Variants in CBLB observed in about 807,000 individuals in gnomAD.
CBLB encodes E3 ubiquitin-protein ligase CBL-B.
In CBLB, 31 loss-of-function variants were observed where a neutral mutation model predicts 104.9. The ratio of observed to expected loss-of-function variants is 0.30; its 90% CI spans 0.22 to 0.40. The LOEUF (loss-of-function observed/expected upper bound fraction) is 0.40. Ranked by LOEUF, CBLB falls within the 10% of genes least tolerant of loss-of-function variation. The pLI is 1.00. For missense variants in CBLB, 1,062 were observed against 1,214.6 expected (o/e 0.87, Z 1.87); for synonymous variants, 440 against 422.6 (o/e 1.04, Z -0.51).
intron 4 of CBLB, among the ~76,000 whole-genome samples, chr3:105,770,305 G>C (rs2078719274): frequency 6.6e-6 from 1 of 152,136 alleles, no homozygotes. Flanking sequence ...AGTGCGAGAG[G>C]GGAAGAGTCT....
intron 5 of CBLB, chr3:105,749,834 C>T (rs2076432486): frequency 4.8e-6 from 1 of 208,560 alleles, no homozygotes; most frequent in African/African-American, 2.4e-5. Flanking sequence ...TAAAATATAT[C>T]TTAAAATCTT....
At chr3:105,788,260 C>T (rs555079583) in intron 3 of CBLB, among the ~76,000 whole-genome samples, 7 of 152,174 alleles carry the variant, frequency 4.6e-5, no homozygotes, top group African/African-American at 1.4e-4. Context: ...AATAAAACTT[C>T]CTCAGATATT....
chr3:105,836,891 A>G (rs1335274429), intron 3 of CBLB, among the ~76,000 whole-genome samples: 1 of 152,090 alleles, frequency 6.6e-6, no homozygotes, highest in Non-Finnish European at 1.5e-5. Context: ...CCTTTCTTTA[A>G]AAGCCCTGCC....
intron 11 of CBLB, among the ~76,000 whole-genome samples, chr3:105,703,603 T>TA (rs5851467): frequency 0.25 from 38,348 of 152,036 alleles, 5,045 homozygotes; most frequent in Non-Finnish European, 0.28. Flanking sequence ...CTTAAGCCCT[T>TA]TGCAAATATA....
At chr3:105,828,321 TG>T (rs2086906337) in intron 3 of CBLB, among the ~76,000 whole-genome samples, 1 of 152,080 alleles carries the variant, frequency 6.6e-6, no homozygotes, top group African/African-American at 2.4e-5. Flanking sequence ...TGGATAACAA[TG>T]GGGAAATATA....
intron 3 of CBLB, among the ~76,000 whole-genome samples, chr3:105,829,967 C>T (rs1040706808): frequency 1.6e-4 from 25 of 152,044 alleles, no homozygotes; most frequent in African/African-American, 5.8e-4. Context: ...TGTATAAACC[C>T]AAGGATCCCA....
intron 18 of CBLB, among the ~76,000 whole-genome samples, chr3:105,665,434 TATATATATAC>T (rs201866045): frequency 0.054 from 5,997 of 111,922 alleles, 166 homozygotes; most frequent in Non-Finnish European, 0.074. Flanking sequence ...TATATATATA[TATATATATAC>T]ACACACACAC....
At chr3:105,815,824 A>G (rs573522757) in intron 3 of CBLB, among the ~76,000 whole-genome samples, 1 of 152,346 alleles carries the variant, frequency 6.6e-6, no homozygotes, top group South Asian at 2.1e-4. Flanking sequence ...GACTAGATAA[A>G]GAAAATGTGG....
chr3:105,692,335 T>C (rs550320561), intron 13 of CBLB, among the ~76,000 whole-genome samples: 6 of 152,286 alleles, frequency 3.9e-5, no homozygotes, highest in African/African-American at 7.2e-5. Context: ...ATCTTTTCAA[T>C]TGGAGAGTCA....
intron 3 of CBLB, among the ~76,000 whole-genome samples, chr3:105,776,944 AG>A (rs1290718464): frequency 4.6e-5 from 7 of 152,220 alleles, no homozygotes; most frequent in Non-Finnish European, 8.8e-5. Context: ...AGGAGAATCT[AG>A]GAAGAAAACT....
intron 7 of CBLB, among the ~76,000 whole-genome samples, chr3:105,738,846 T>C (rs1420404883): frequency 2.0e-5 from 3 of 152,128 alleles, no homozygotes; most frequent in African/African-American, 4.8e-5. Context: ...AATACACATT[T>C]GGTACCATAA....
intron 3 of CBLB, among the ~76,000 whole-genome samples, chr3:105,789,825 G>A (rs1252095940): frequency 6.6e-6 from 1 of 151,972 alleles, no homozygotes; most frequent in Non-Finnish European, 1.5e-5. Context: ...CTATTCAATG[G>A]GGTCTCTGTT....
At chr3:105,681,136 T>C (rs2066270586) in intron 16 of CBLB, 4 of 341,888 alleles carry the variant, frequency 1.2e-5, no homozygotes, top group Admixed American at 4.3e-5. Flanking sequence ...AGTTCATATT[T>C]ATTAAGAATT....
intron 3 of CBLB, among the ~76,000 whole-genome samples, chr3:105,815,888 C>A (rs1035279034): frequency 6.6e-6 from 1 of 152,130 alleles, no homozygotes; most frequent in Non-Finnish European, 1.5e-5. Flanking sequence ...AGTTCATGTC[C>A]TTTGCAGGGA....
intron 4 of CBLB, among the ~76,000 whole-genome samples, chr3:105,754,852 A>G (rs1233268333): frequency 6.6e-6 from 1 of 152,210 alleles, no homozygotes; most frequent in Non-Finnish European, 1.5e-5. Context: ...AAATCTATTA[A>G]TGACTTTTTG....
At chr3:105,690,222 A>G (rs1576361881) in intron 13 of CBLB, among the ~76,000 whole-genome samples, 1 of 152,318 alleles carries the variant, frequency 6.6e-6, no homozygotes, top group African/African-American at 2.4e-5. Context: ...GTTTGGTAGG[A>G]ATGCGTAATT....
chr3:105,867,138 C>A (rs1488636353), intron 2 of CBLB, among the ~76,000 whole-genome samples: 1 of 151,990 alleles, frequency 6.6e-6, no homozygotes, highest in Non-Finnish European at 1.5e-5. Flanking sequence ...GGCCATACAC[C>A]AACAAAAAGC....
At chr3:105,813,153 T>TA (rs1260328809) in intron 3 of CBLB, among the ~76,000 whole-genome samples, 2 of 152,104 alleles carry the variant, frequency 1.3e-5, no homozygotes, top group Non-Finnish European at 2.9e-5. Flanking sequence ...GCCATTTCCC[T>TA]ACAAGAAGGA....
intron 3 of CBLB, among the ~76,000 whole-genome samples, chr3:105,792,461 G>C (rs1485730213): frequency 6.6e-6 from 1 of 152,114 alleles, no homozygotes; most frequent in African/African-American, 2.4e-5. Context: ...ACTTTCATTT[G>C]TCATCCCTCT....
Sources: allele counts gnomAD v4.1 joint callset (sites outside exome capture counted in the v4.1 genomes callset), GRCh38; gene constraint gnomAD v4.1.1; transcripts MANE v1.5; gene names NCBI Gene and HGNC (gene_info 2026-07-23, HGNC 2026-07-21).